CLEC4F: variants seen among roughly 807,000 people sequenced by gnomAD.
The protein encoded by CLEC4F is C-type (calcium dependent, carbohydrate-recognition domain) lectin, superfamily member 13.
A neutral mutation model predicts 53.4 loss-of-function variants in CLEC4F; 45 were observed. That is an observed-to-expected ratio of 0.84 (90% CI 0.66 to 1.08). The LOEUF (loss-of-function observed/expected upper bound fraction) is 1.08. CLEC4F is among the 50% of genes least tolerant of loss of function. CLEC4F has a pLI of 0.00. For synonymous variants in CLEC4F, 245 were observed against 257.5 expected, an observed-to-expected ratio of 0.95 and a Z score of 0.46; for missense variants, 753 against 698.2, an observed-to-expected ratio of 1.08 and a Z score of -0.88.
chr2:70,812,424 C>T, intron 5 of CLEC4F, 23 bp downstream of exon 5: 3 of 1,611,620 alleles, frequency 1.9e-6, no homozygotes, highest in Non-Finnish European at 2.5e-6. Flanking sequence ...CCACCAACAA[C>T]ACCCCATGCT....
upstream of CLEC4F, among the ~76,000 whole-genome samples, chr2:70,825,161 C>T (rs575606251): frequency 1.3e-5 from 2 of 152,284 alleles, no homozygotes; most frequent in East Asian, 3.9e-4. Flanking sequence ...ATGAGAAAAA[C>T]ACCAGACAAA....
chr2:70,809,394 A>G lies in CLEC4F; in HGVS notation c.1659-12T>C. The G allele has an allele frequency of 6.3e-7, 1 of 1,591,228 alleles. No individual in the cohort carries two copies. Among genetic ancestry groups the G allele is most frequent in the Non-Finnish European group, 8.6e-7 (1 of 1,169,138 alleles). Reference sequence around the variant, plus strand: ...CCTTGGAACCAGGCCTGAGTAGGGCAGGGGGAAAAAAACAGAAAGACCCAC... The same window carrying G: ...CCTTGGAACCAGGCCTGAGTAGGGCGGGGGGAAAAAAACAGAAAGACCCAC... On this transcript the variant is annotated splice_polypyrimidine_tract_variant and intron_variant, in intron 6 of 6. Transcript: ENST00000272367.
chr2:70,811,699 C>T (rs782168972), intron 5 of CLEC4F, among the ~76,000 whole-genome samples: 5 of 152,096 alleles, frequency 3.3e-5, no homozygotes, highest in Non-Finnish European at 5.9e-5. Context: ...TGGTGGTCCT[C>T]GGACCCATAG....
chr2:70,811,391 T>C, intron 5 of CLEC4F: 1 of 744,094 alleles, frequency 1.3e-6, no homozygotes, highest in Non-Finnish European at 2.3e-6. Context: ...TATCAAAGGA[T>C]TCATCAGGCC....
In CLEC4F at chr2:70,819,806, C is replaced by A; in HGVS notation, c.147G>T (p.Leu49Phe). 6.2e-7 allele frequency: 1 copy of A among 1,605,686 alleles called. No individual in the cohort carries two copies. The highest frequency in any genetic ancestry group is 8.5e-7 in the Non-Finnish European group (1 of 1,176,442). ...QATPAFMAVT[L>F]VFSLVTLFVV... ...CAAAGAGAGTCACAAGAGAGAAGAC[C>A]AAGGTCACAGCCATAAATGCCGGGG... The change falls in exon 2 of 7, where the codon TTG becomes TTT. Residue 49 changes from leucine to phenylalanine, a missense_variant. Transcript: ENST00000272367.
chr2:70,812,720 T>G, intron 4 of CLEC4F, 122 bp from the exon 5 acceptor site: 1 of 992,788 alleles, frequency 1.0e-6, no homozygotes, highest in Non-Finnish European at 1.5e-6. Flanking sequence ...ATTCTTGATG[T>G]GCAGTGCTCC....
chr2:70,816,428 T>C lies in CLEC4F; in HGVS notation c.953A>G (p.Gln318Arg). 1.2e-6 allele frequency: 2 copies of C among 1,614,082 alleles called. No individual in the cohort carries two copies. Among genetic ancestry groups the C allele is most frequent in the Non-Finnish European group, 1.7e-6 (2 of 1,180,006 alleles). The change falls in exon 4 of 7, where the codon CAG becomes CGG. Residue 318 changes from glutamine to arginine, a missense_variant. Coordinates refer to ENST00000272367, the MANE Select transcript of CLEC4F (RefSeq NM_173535.3). Reference protein sequence around the residue: ...SSFDNTSAEIQFLRGHLERAG... With the variant: ...SSFDNTSAEIRFLRGHLERAG... ...TCTTTCCAAATGACCTCTTAAGAACTGGATCTCAGCACTAGTGTTGTCAAA... is the reference window on the plus strand; with the variant it reads ...TCTTTCCAAATGACCTCTTAAGAACCGGATCTCAGCACTAGTGTTGTCAAA...
At chr2:70,820,974 CG>C (rs1677199041), upstream of CLEC4F, among the ~76,000 whole-genome samples, 1 of 152,152 alleles carries the variant, frequency 6.6e-6, no homozygotes, top group South Asian at 2.1e-4. Flanking sequence ...CAGGTCAGTG[CG>C]GCCGATATTT....
chr2:70,820,595 G>T lies in CLEC4F; in HGVS notation c.-72C>A. On this transcript the variant is annotated 5_prime_UTR_variant, in exon 1 of 7. Transcript: ENST00000272367. ...GGAAGGGCCGTCCCGTGGACCAATG[G>T]CAGTGGAAGCAAAGCTGAGACACCC... The T allele has an allele frequency of 6.9e-7, 1 of 1,440,012 alleles. No homozygotes were observed. The highest frequency in any genetic ancestry group is 2.5e-5 in the East Asian group (1 of 39,942). 89.2% of individuals were successfully genotyped at this position (1,440,012 alleles called of 1,614,324 possible).
Position 70,820,598 on chromosome 2 carries a change from G to C in CLEC4F, c.-75C>G. 1 of 1,440,572 alleles carries C rather than the reference G, an allele frequency of 6.9e-7. No homozygotes were observed. 89.2% of individuals were successfully genotyped at this position (1,440,572 alleles called of 1,614,324 possible). ...AGGGCCGTCCCGTGGACCAATGGCA[G>C]TGGAAGCAAAGCTGAGACACCCACA... On this transcript the variant is annotated 5_prime_UTR_variant, in exon 1 of 7. Coordinates refer to ENST00000272367, the MANE Select transcript of CLEC4F (RefSeq NM_173535.3).
upstream of CLEC4F, among the ~76,000 whole-genome samples, chr2:70,821,193 T>C (rs1411609291): frequency 6.6e-6 from 1 of 152,142 alleles, no homozygotes; most frequent in African/African-American, 2.4e-5. Context: ...ATATATCTGG[T>C]CTTCATCTCA....
upstream of CLEC4F, among the ~76,000 whole-genome samples, chr2:70,825,121 C>T (rs547041581): frequency 1.6e-4 from 25 of 152,292 alleles, no homozygotes; most frequent in Middle Eastern, 6.8e-3. Flanking sequence ...CCATGGTCTT[C>T]CTCCTGAAAC....
At chr2:70,810,478 G>A (rs1676487829) in intron 5 of CLEC4F, among the ~76,000 whole-genome samples, 2 of 151,826 alleles carry the variant, frequency 1.3e-5, no homozygotes, top group Non-Finnish European at 2.9e-5. Flanking sequence ...AATTAGCTGG[G>A]CATGGTGGCA....
Position 70,809,031 on chromosome 2 carries a change from C to A in CLEC4F, c.*240G>T. 6.7e-7 allele frequency: 1 copy of A among 1,487,196 alleles called. No individual in the cohort carries two copies. The highest frequency in any genetic ancestry group is 1.2e-5 in the South Asian group (1 of 82,860). The allele number at this position is 1,487,196 out of a possible 1,614,324, so 92.1% of individuals were successfully genotyped here. On this transcript the variant is annotated 3_prime_UTR_variant, in exon 7 of 7. Coordinates refer to ENST00000272367, the MANE Select transcript of CLEC4F (RefSeq NM_173535.3). ...GCTGAATTTGGACACAGTCTTCAGT[C>A]TGCCCATTCTTGTGCCGCCAGTTGT...
At chr2:70,817,252 G>A in intron 3 of CLEC4F, 140 bp from the exon 4 acceptor site, 1 of 854,120 alleles carries the variant, frequency 1.2e-6, no homozygotes, top group Non-Finnish European at 1.8e-6. Flanking sequence ...GCACCCTCCT[G>A]GTCACACAGC....
chr2:70,825,098 T>G (rs2110978), upstream of CLEC4F, among the ~76,000 whole-genome samples: 1 of 152,012 alleles, frequency 6.6e-6, no homozygotes, highest in Non-Finnish European at 1.5e-5. Context: ...GTGATGAGAA[T>G]GGCCCTTTAT....
intron 5 of CLEC4F, among the ~76,000 whole-genome samples, chr2:70,810,638 A>G (rs1396857438): frequency 6.7e-6 from 1 of 150,292 alleles, no homozygotes; most frequent in Non-Finnish European, 1.5e-5. Flanking sequence ...AAAAAAAAAA[A>G]AAAGTATTTC....
intron 5 of CLEC4F, among the ~76,000 whole-genome samples, chr2:70,810,603 A>G (rs1263313422): frequency 2.1e-5 from 3 of 141,466 alleles, no homozygotes; most frequent in East Asian, 2.1e-4. Flanking sequence ...TGGGCAATAG[A>G]GCGAAACTCT....
chr2:70,821,566 T>C (rs1163566292), upstream of CLEC4F, among the ~76,000 whole-genome samples: 1 of 152,224 alleles, frequency 6.6e-6, no homozygotes, highest in Non-Finnish European at 1.5e-5. Flanking sequence ...AGACAGAGTC[T>C]CCTGCACTTG....
Sources: allele counts gnomAD v4.1 joint callset (sites outside exome capture counted in the v4.1 genomes callset), GRCh38; gene constraint gnomAD v4.1.1; transcripts MANE v1.5; gene names NCBI Gene and HGNC (gene_info 2026-07-23, HGNC 2026-07-21).